Variants in PROCR observed in about 807,000 individuals in gnomAD.
PROCR encodes the protein protein C receptor.
PROCR carries 22 observed loss-of-function variants against 24.2 expected under a neutral mutation model. The ratio of observed to expected loss-of-function variants is 0.91; its 90% CI spans 0.65 to 1.30. The LOEUF is 1.30. Ranked by LOEUF, PROCR falls within the 50% of genes most tolerant of loss-of-function variation. The pLI is 0.00. For missense variants in PROCR, 288 were observed against 307.7 expected (o/e 0.94, Z 0.48); for synonymous variants, 137 against 139.2 (o/e 0.98, Z 0.11).
intron 1 of PROCR, among the ~76,000 whole-genome samples, chr20:35,183,920 CA>C (rs1473627835): frequency 3.3e-5 from 5 of 152,116 alleles, no homozygotes; most frequent in African/African-American, 1.2e-4. Flanking sequence ...CACTTCATAC[CA>C]TCAAGAATGG....
At chr20:35,187,670 G>A (rs966652839) in intron 1 of PROCR, among the ~76,000 whole-genome samples, 1 of 152,162 alleles carries the variant, frequency 6.6e-6, no homozygotes, top group Non-Finnish European at 1.5e-5. Flanking sequence ...CTCATTTCCA[G>A]GAGTTTCTAC....
intron 1 of PROCR, among the ~76,000 whole-genome samples, chr20:35,206,619 A>ATT (rs950864217): frequency 2.6e-5 from 4 of 152,280 alleles, no homozygotes; most frequent in Admixed American, 6.5e-5. Flanking sequence ...GCTCAACATC[A>ATT]TTTGTTGGTA....
chr20:35,211,255 G>A (rs913322881), intron 1 of PROCR, among the ~76,000 whole-genome samples: 3 of 152,186 alleles, frequency 2.0e-5, no homozygotes, highest in Non-Finnish European at 2.9e-5. Flanking sequence ...TGGGTTCCTG[G>A]AACCTGGCAC....
intron 1 of PROCR, among the ~76,000 whole-genome samples, chr20:35,187,954 C>T (rs1446551715): frequency 2.0e-5 from 3 of 152,160 alleles, no homozygotes; most frequent in Non-Finnish European, 4.4e-5. Context: ...ACGTGGCAGC[C>T]AGACTATTAG....
intron 1 of PROCR, among the ~76,000 whole-genome samples, chr20:35,183,773 A>G (rs1042661006): frequency 6.6e-6 from 1 of 152,220 alleles, no homozygotes; most frequent in Non-Finnish European, 1.5e-5. Flanking sequence ...GAACAGATTC[A>G]ATAATGAAAA....
intron 1 of PROCR, among the ~76,000 whole-genome samples, chr20:35,182,481 A>G (rs924366774): frequency 5.3e-5 from 8 of 152,166 alleles, no homozygotes; most frequent in African/African-American, 1.9e-4. Context: ...CACATCATTA[A>G]TTTATTTACT....
chr20:35,205,779 ATATATATATG>A (rs2060338031), intron 1 of PROCR, among the ~76,000 whole-genome samples: 1 of 134,252 alleles, frequency 7.4e-6, no homozygotes, highest in Non-Finnish European at 1.5e-5. Flanking sequence ...ATATATATAT[ATATATATATG>A]TATATATACA....
intron 1 of PROCR, among the ~76,000 whole-genome samples, chr20:35,194,698 C>A (rs1229802188): frequency 1.1e-4 from 17 of 152,174 alleles, no homozygotes; most frequent in Non-Finnish European, 2.2e-4. Context: ...ATATAAATCA[C>A]CATCTGACTG....
intron 1 of PROCR, among the ~76,000 whole-genome samples, chr20:35,209,137 T>C (rs1285838070): frequency 6.6e-6 from 1 of 152,160 alleles, no homozygotes; most frequent in East Asian, 1.9e-4. Flanking sequence ...CAAGGTGCTA[T>C]ATGAGGGTAT....
At chr20:35,172,979 T>C (rs2085964842) in intron 1 of PROCR, among the ~76,000 whole-genome samples, 2 of 152,182 alleles carry the variant, frequency 1.3e-5, no homozygotes, top group African/African-American at 4.8e-5. Flanking sequence ...GGTAATATTA[T>C]TACTATCTCC....
chr20:35,176,804 G>A lies in PROCR; in HGVS notation c.708G>A (p.Arg236=). The A allele has an allele frequency of 6.2e-7, 1 of 1,613,966 alleles. No homozygotes were observed. The change falls in exon 4 of 4, where the codon CGG becomes CGA. Residue 236 remains arginine, a synonymous_variant. Coordinates refer to ENST00000216968, the MANE Select transcript of PROCR (RefSeq NM_006404.5). ...AVGIFLCTGG[R]RC is the part of the protein sequence containing the mutation. Reference sequence around the variant, plus strand: ...GCATCTTCCTGTGCACAGGTGGACGGCGATGTTAATTACTCTCCAGCCCCC... The same window carrying A: ...GCATCTTCCTGTGCACAGGTGGACGACGATGTTAATTACTCTCCAGCCCCC...
chr20:35,183,570 G>C, intron 1 of PROCR, among the ~76,000 whole-genome samples: 1 of 152,122 alleles, frequency 6.6e-6, no homozygotes, highest in African/African-American at 2.4e-5. Context: ...GCCACTTGCA[G>C]GTATTCCAGT....
intron 1 of PROCR, among the ~76,000 whole-genome samples, chr20:35,184,544 C>CA (rs1342741034): frequency 1.3e-5 from 2 of 151,618 alleles, no homozygotes; most frequent in African/African-American, 2.4e-5. Flanking sequence ...ACTAAAAATA[C>CA]AAAAAATTAG....
chr20:35,211,508 T>C (rs1030496139), intron 1 of PROCR, among the ~76,000 whole-genome samples: 8 of 152,238 alleles, frequency 5.3e-5, no homozygotes, highest in Non-Finnish European at 1.2e-4. Flanking sequence ...TTTAACAACC[T>C]GAAGATGAGG....
chr20:35,189,509 G>A (rs2086155813), intron 1 of PROCR, among the ~76,000 whole-genome samples: 1 of 152,120 alleles, frequency 6.6e-6, no homozygotes, highest in African/African-American at 2.4e-5. Context: ...CTGACCTTGT[G>A]ATCTCGCCCT....
chr20:35,186,199 T>C (rs1732424231), intron 1 of PROCR, among the ~76,000 whole-genome samples: 1 of 152,178 alleles, frequency 6.6e-6, no homozygotes, highest in Admixed American at 6.6e-5. Context: ...AAATGTAGTA[T>C]TTTAATACAA....
At chr20:35,216,013 C>T in exon 2 of PROCR, 1 of 281,586 alleles carries the variant, frequency 3.6e-6, no homozygotes, top group Non-Finnish European at 5.4e-6. Flanking sequence ...GCATGACCAA[C>T]ATGGAAAAAC....
rs149524151 is a variant in PROCR, at chr20:35,214,167, A to G, written c.95-1726A>G. On this transcript the variant is annotated intron_variant, in intron 1 of 1. Transcript: ENST00000634509. ...CCTCAAACCACTTAAGCTTCCCTCC[A>G]GGAAGTAAGCACTATTATCAGTTCC... is the stretch of plus-strand genomic sequence containing the variant. Among the ~76,000 whole-genome samples the G allele has an allele frequency of 4.6e-5, 7 of 152,314 alleles. No homozygotes were observed. The East Asian group carries it at 1.3e-3, about 29-fold the overall frequency.
At chr20:35,183,773 A>C (rs1042661006) in intron 1 of PROCR, among the ~76,000 whole-genome samples, 1 of 152,220 alleles carries the variant, frequency 6.6e-6, no homozygotes, top group South Asian at 2.1e-4. Flanking sequence ...GAACAGATTC[A>C]ATAATGAAAA....
Sources: gnomAD v4.1 joint callset for allele counts (sites outside exome capture counted in the v4.1 genomes callset) on GRCh38, gnomAD v4.1.1 for gene constraint, MANE v1.5 for transcripts, NCBI Gene and HGNC (gene_info 2026-07-23, HGNC 2026-07-21) for gene names.